The following CHD8 variants were observed in gnomAD, a reference collection of about 807,000 sequenced individuals.
CHD8 encodes the protein ATP-dependent chromatin remodeler CHD8.
A neutral mutation model predicts 279.2 loss-of-function variants in CHD8; 31 were observed. The observed-to-expected ratio is 0.11, with a 90% CI of 0.08 to 0.15. CHD8 has a LOEUF of 0.15. CHD8 is among the 10% of genes least tolerant of loss of function. The pLI, the probability that CHD8 is intolerant of heterozygous loss-of-function variation, is 1.00. For missense variants in CHD8, 2,146 were observed against 3,230.5 expected (o/e 0.66, Z 8.14); for synonymous variants, 1,081 against 1,139.6 (o/e 0.95, Z 1.04).
intron 27 of CHD8, chr14:21,397,541 T>C: frequency 2.6e-6 from 1 of 389,738 alleles, no homozygotes; most frequent in Non-Finnish European, 5.0e-6. Context: ...AGACCAGTTA[T>C]CCTCTCAGCT....
At position 21,429,172 on chromosome 14, in the gene CHD8, T is replaced by C. The variant is rs532763366; in HGVS notation, c.1007A>G (p.Lys336Arg). 15 of 1,614,000 alleles carry C rather than the reference T, an allele frequency of 9.3e-6. No individual in the cohort carries two copies. The highest frequency in any genetic ancestry group is 4.5e-5 in the East Asian group (2 of 44,880). ...QAKNAQGQPA[K>R]VVTIQLQVQQ... ...CACCTGCAGCTGGATAGTTACTACC[T>C]TGGCAGGCTGCCCTTGGGCATTCTT... Residue 336 changes from lysine to arginine, a missense_variant, in exon 3 of 38, where the codon AAG becomes AGG. Physicochemically the swap from Lys to Arg is conservative, Grantham distance 26 (BLOSUM62 2). This residue lies in a region of CHD8 where 170 missense variants were observed against 189.9 expected (regional missense o/e 0.90). Coordinates refer to ENST00000646647, the MANE Select transcript of CHD8 (RefSeq NM_001170629.2).
Position 21,431,853 on chromosome 14 carries a change from G to T in CHD8, c.-210C>A. 6.2e-7 allele frequency: 1 copy of T among 1,608,124 alleles called. No homozygotes were observed. The highest frequency in any genetic ancestry group is 8.5e-7 in the Non-Finnish European group (1 of 1,174,574). ...GCTACGTCTTCAGAGGAAGATGGTG[G>T]AACTCCTGTTGTAGGAATACAAATA... On this transcript the variant is annotated 5_prime_UTR_variant, in exon 2 of 38. Coordinates refer to ENST00000646647, the MANE Select transcript of CHD8 (RefSeq NM_001170629.2).
rs1389900919 is a variant in CHD8, at chr14:21,386,043, C to G, written c.7316G>C (p.Gly2439Ala). ...MMALMQGGST[G>A]SLSLHNTFQH... ...GAACGTGTTATGCAGAGATAGAGAC[C>G]CAGTGCTTCCACCCTGCATGAGGGC... Residue 2439 changes from glycine to alanine, a missense_variant, in exon 38 of 38, where the codon GGG becomes GCG. This residue lies in a region of CHD8 where 336 missense variants were observed against 392.9 expected (regional missense o/e 0.86). Coordinates refer to ENST00000646647, the MANE Select transcript of CHD8 (RefSeq NM_001170629.2). The G allele has an allele frequency of 1.9e-6, 3 of 1,594,836 alleles. No homozygotes were observed. Among genetic ancestry groups the G allele is most frequent in the African/African-American group, 2.7e-5 (2 of 74,714 alleles).
Position 21,393,650 on chromosome 14 carries a change from C to T in CHD8, c.6145G>A (p.Asp2049Asn). 6.2e-7 allele frequency: 1 copy of T among 1,613,976 alleles called. No homozygotes were observed. The highest frequency in any genetic ancestry group is 8.5e-7 in the Non-Finnish European group (1 of 1,179,894). ...QDYEMRVSPS[D>N]TTPLVSRSVP... Reference sequence around the variant, plus strand: ...CTCCGGGAAACCAGAGGGGTAGTATCAGAGGGGGATACTCGCATCTCATAG... The same window carrying T: ...CTCCGGGAAACCAGAGGGGTAGTATTAGAGGGGGATACTCGCATCTCATAG... The change falls in exon 32 of 38, where the codon GAT becomes AAT. Residue 2049 changes from aspartate (D) to asparagine (N), a missense_variant. Coordinates refer to ENST00000646647, the MANE Select transcript of CHD8 (RefSeq NM_001170629.2).
intron 1 of CHD8, among the ~76,000 whole-genome samples, chr14:21,437,615 C>G (rs1889843116): frequency 6.6e-6 from 1 of 152,174 alleles, no homozygotes; most frequent in Admixed American, 6.5e-5. Context: ...CCGCCTCCCT[C>G]TGAATCCCCG....
chr14:21,406,156 C>A (rs142157972), intron 14 of CHD8, among the ~76,000 whole-genome samples: 1 of 152,192 alleles, frequency 6.6e-6, no homozygotes, highest in Non-Finnish European at 1.5e-5. Context: ...ACACATGTCT[C>A]TCCATATTCA....
chr14:21,429,562 CACA>C, intron 2 of CHD8: 1 of 658,378 alleles, frequency 1.5e-6, no homozygotes, highest in Non-Finnish European at 2.8e-6. Context: ...TATTCACAGG[CACA>C]ACACTACTGC....
At chr14:21,453,914 G>C (rs56108731) in intron 1 of CHD8, among the ~76,000 whole-genome samples, 1 of 151,570 alleles carries the variant, frequency 6.6e-6, no homozygotes, top group African/African-American at 2.4e-5. Flanking sequence ...CCAGCACTTC[G>C]GGAGGCCGAG....
intron 1 of CHD8, among the ~76,000 whole-genome samples, chr14:21,441,633 A>G (rs1487291975): frequency 6.6e-6 from 1 of 152,126 alleles, no homozygotes; most frequent in Non-Finnish European, 1.5e-5. Context: ...TCATGCCTGT[A>G]ATCCCAGCAC....
Position 21,403,271 on chromosome 14 carries a change from A to G in CHD8, c.3519-59T>C. The G allele has an allele frequency of 6.5e-7, 1 of 1,532,134 alleles. No individual in the cohort carries two copies. Among genetic ancestry groups the G allele is most frequent in the East Asian group, 2.3e-5 (1 of 44,290 alleles). 94.9% of individuals were successfully genotyped at this position (1,532,134 alleles called of 1,614,324 possible). A position where few individuals can be genotyped will look rare whatever the true frequency, so the allele number is the denominator to read the frequency against. ...GCTAAGCAGAAGTGGAGACCAAAACAGCAGGCTAGGATCAATACCAGTACT... is the reference window on the plus strand; with the variant it reads ...GCTAAGCAGAAGTGGAGACCAAAACGGCAGGCTAGGATCAATACCAGTACT... On this transcript the variant is annotated intron_variant, in intron 17 of 37. Coordinates refer to ENST00000646647, the MANE Select transcript of CHD8 (RefSeq NM_001170629.2). The surrounding 1 kb of genome is among the most constrained non-coding windows in gnomAD (Gnocchi z 4.3).
At chr14:21,435,942 G>C (rs1174100144) in intron 1 of CHD8, among the ~76,000 whole-genome samples, 1 of 152,164 alleles carries the variant, frequency 6.6e-6, no homozygotes, top group Non-Finnish European at 1.5e-5. Context: ...ATCATTTACT[G>C]TTTATGATGG....
At chr14:21,454,018 C>A (rs1890318737) in intron 1 of CHD8, among the ~76,000 whole-genome samples, 1 of 151,452 alleles carries the variant, frequency 6.6e-6, no homozygotes. Flanking sequence ...ATTAGCCAAG[C>A]ATGGTGGCGG....
chr14:21,434,797 T>C (rs925712882), intron 1 of CHD8, among the ~76,000 whole-genome samples: 4 of 152,222 alleles, frequency 2.6e-5, no homozygotes, highest in African/African-American at 9.7e-5. Flanking sequence ...TCCTTGACTC[T>C]TACAAGATTA....
At chr14:21,424,489 G>A (rs1889212565) in intron 5 of CHD8, among the ~76,000 whole-genome samples, 1 of 148,320 alleles carries the variant, frequency 6.7e-6, no homozygotes, top group Non-Finnish European at 1.5e-5. Flanking sequence ...TTGTTTTTTT[G>A]AGGTGGAGTT....
At chr14:21,389,048 TC>T (rs1381693592) in intron 37 of CHD8, among the ~76,000 whole-genome samples, 6 of 152,122 alleles carry the variant, frequency 3.9e-5, no homozygotes, top group Non-Finnish European at 8.8e-5. Flanking sequence ...ACGCCTGTAA[TC>T]CCAACACTTT....
intron 36 of CHD8, 128 bp from the exon 37 acceptor site, chr14:21,391,191 A>T: frequency 1.4e-6 from 1 of 735,632 alleles, no homozygotes; most frequent in Non-Finnish European, 2.2e-6. Flanking sequence ...CCTAGTGGAA[A>T]ACTGCCATTA....
chr14:21,397,788 G>A, intron 27 of CHD8, 35 bp downstream of exon 27: 1 of 1,604,294 alleles, frequency 6.2e-7, no homozygotes, highest in African/African-American at 1.3e-5. Context: ...CACGGCACAA[G>A]TTAGAGTTTT....
chr14:21,421,254 T>C (rs999785257), intron 5 of CHD8, among the ~76,000 whole-genome samples: 1 of 152,114 alleles, frequency 6.6e-6, no homozygotes, highest in Non-Finnish European at 1.5e-5. Flanking sequence ...CATATACATA[T>C]ATATACACAC....
chr14:21,393,701 C>T lies in CHD8; in HGVS notation c.6094G>A (p.Ala2032Thr), dbSNP rs1269673325. 1 of 1,613,952 alleles carries T rather than the reference C, an allele frequency of 6.2e-7. No individual in the cohort carries two copies. The highest frequency in any genetic ancestry group is 8.5e-7 in the Non-Finnish European group (1 of 1,179,878). The change falls in exon 32 of 38, where the codon GCC becomes ACC. Residue 2032 changes from alanine to threonine, a missense_variant. By Grantham distance (58) the Ala-to-Thr change is moderately conservative (BLOSUM62 0). Coordinates refer to ENST00000646647, the MANE Select transcript of CHD8 (RefSeq NM_001170629.2). ...TCTTGTGGGGTTGGTCGGCTCCTGG[C>T]CACCACCTCGTGCTCTAGCTTTAAA... ...LTLKLEHEVV[A>T]RSRPTPQDYE... is the part of the protein sequence containing the mutation.
Sources: gnomAD v4.1 joint callset for allele counts (sites outside exome capture counted in the v4.1 genomes callset) on GRCh38, gnomAD v4.1.1 for gene constraint, gnomAD v4.1.1 regional missense constraint, Gnocchi (gnomAD v3.1) non-coding constraint, MANE v1.5 for transcripts, NCBI Gene and HGNC (gene_info 2026-07-23, HGNC 2026-07-21) for gene names.